Variants in UNC5D observed in about 807,000 individuals in gnomAD.
UNC5D encodes netrin receptor UNC5D.
Under a neutral mutation model 105.4 loss-of-function variants are expected in UNC5D, and 39 were observed. The observed-to-expected ratio is 0.37, with a 90% confidence interval of 0.29 to 0.48. The LOEUF (loss-of-function observed/expected upper bound fraction) is 0.48, where lower values mean the gene tolerates loss of function less well. Among genes scored for constraint, UNC5D ranks in the 20% least tolerant of loss-of-function variants. The pLI, the probability that UNC5D is intolerant of heterozygous loss-of-function variation, is 0.98. For missense variants in UNC5D, 991 were observed against 1,202.4 expected, an observed-to-expected ratio of 0.82 and a Z score of 2.60; for synonymous variants, 452 against 450.4, an observed-to-expected ratio of 1.00 and a Z score of -0.04.
In UNC5D at chr8:35,407,279, G is replaced by T. The variant is rs1336426677; in HGVS notation, c.104-142013G>T. 2.6e-5 allele frequency among the ~76,000 whole-genome samples: 4 copies of T among 151,960 alleles called. No homozygotes were observed. The South Asian group carries it at 8.3e-4, about 32-fold the overall frequency. On this transcript the variant is annotated intron_variant, in intron 1 of 16. Coordinates refer to ENST00000404895, the MANE Select transcript of UNC5D (RefSeq NM_080872.4). ...TTGCACAATGTTGAACTTGCCTAAC[G>T]ATGCATTTCTCAGAACATATCCCTG... is the stretch of plus-strand genomic sequence containing the variant.
intron 1 of UNC5D, among the ~76,000 whole-genome samples, chr8:35,404,024 C>T (rs576725013): frequency 6.6e-6 from 1 of 152,294 alleles, no homozygotes; most frequent in African/African-American, 2.4e-5. Flanking sequence ...CACTTGTTCT[C>T]CCAGCCTGAG....
intron 1 of UNC5D, among the ~76,000 whole-genome samples, chr8:35,431,935 A>G (rs554836645): frequency 6.6e-6 from 1 of 152,248 alleles, no homozygotes; most frequent in Non-Finnish European, 1.5e-5. Context: ...AAACTAAACA[A>G]TTTTCTTCAT....
rs186036762 is a variant in UNC5D at position 35,390,456 on chromosome 8, A to T, written c.103+154569A>T. Among the ~76,000 whole-genome samples, 928 of 151,980 alleles carry T rather than the reference A, an allele frequency of 6.1e-3. 15 individuals carry two copies. Among genetic ancestry groups the T allele is most frequent in the African/African-American group, 0.021 (886 of 41,512 alleles). ...GCTCATTTTTTTCTAAGATTCTTTT[A>T]AGGGTGTGTTCTCAGCATTGGTTAC... On this transcript the variant is annotated intron_variant, in intron 1 of 16. Transcript: ENST00000404895.
intron 16 of UNC5D, among the ~76,000 whole-genome samples, chr8:35,784,981 GA>G (rs1416743353): frequency 6.6e-6 from 1 of 151,554 alleles, no homozygotes; most frequent in East Asian, 1.9e-4. Context: ...ATTTGTCAAA[GA>G]AAAAAATAGT....
At position 35,722,227 on chromosome 8, in the gene UNC5D, G is replaced by A. The variant is rs770644786; in HGVS notation, c.1135G>A (p.Asp379Asn). 8.8e-5 allele frequency: 142 copies of A among 1,613,578 alleles called. No individual in the cohort carries two copies. In the Middle Eastern group the frequency reaches 1.7e-3, roughly 19 times the overall value. Reference protein sequence around the residue: ...IKPQSIENASDIALYSGLGAA... With the variant: ...IKPQSIENASNIALYSGLGAA... ...TCTTTCAGGCATTGAGAATGCCAGC[G>A]ACATTGCTTTGTACTCGGGCTTGGG... Residue 379 changes from aspartate to asparagine, a missense_variant, in exon 9 of 17, where the codon GAC (aspartate) becomes AAC (asparagine). Physicochemically the swap from Asp to Asn is conservative, Grantham distance 23 (BLOSUM62 1). This residue lies in a region of UNC5D where 944 missense variants were observed against 1,131.6 expected (regional missense o/e 0.83). Transcript: ENST00000404895.
chr8:35,238,845 A>C (rs988345091), intron 1 of UNC5D, among the ~76,000 whole-genome samples: 1 of 152,194 alleles, frequency 6.6e-6, no homozygotes, highest in African/African-American at 2.4e-5. Context: ...TGATTTACAC[A>C]TACTTAAATC....
At chr8:35,767,251 C>A (rs140440583) in intron 15 of UNC5D, among the ~76,000 whole-genome samples, 185 bp downstream of exon 15, 1 of 152,318 alleles carries the variant, frequency 6.6e-6, no homozygotes, top group Non-Finnish European at 1.5e-5. Context: ...TAAACTTCCC[C>A]CTGGGCAAGG....
chr8:35,678,597 T>G (rs1393476915), intron 4 of UNC5D, among the ~76,000 whole-genome samples: 1 of 152,184 alleles, frequency 6.6e-6, no homozygotes, highest in Non-Finnish European at 1.5e-5. Flanking sequence ...TTTATTATTG[T>G]TTTTGTTTCA....
At chr8:35,625,733 G>C (rs1376625098) in intron 4 of UNC5D, among the ~76,000 whole-genome samples, 2 of 152,164 alleles carry the variant, frequency 1.3e-5, no homozygotes, top group Non-Finnish European at 2.9e-5. Flanking sequence ...TGGTTTTTAT[G>C]TGTGCCTAGA....
At chr8:35,474,283 T>A (rs1230611039) in intron 1 of UNC5D, among the ~76,000 whole-genome samples, 1 of 152,240 alleles carries the variant, frequency 6.6e-6, no homozygotes, top group Non-Finnish European at 1.5e-5. Context: ...TATTTTCTGA[T>A]CCTTCATATA....
chr8:35,654,458 G>T (rs1427868908), intron 4 of UNC5D, among the ~76,000 whole-genome samples: 2 of 152,188 alleles, frequency 1.3e-5, no homozygotes, highest in South Asian at 4.1e-4. Flanking sequence ...CTGAGTTCAG[G>T]CTTTGTCCCC....
intron 1 of UNC5D, among the ~76,000 whole-genome samples, chr8:35,456,559 G>T (rs558072000): frequency 1.2e-4 from 18 of 152,298 alleles, no homozygotes; most frequent in Non-Finnish European, 1.9e-4. Context: ...AAAGCATTGC[G>T]AGAACTGAGG....
intron 1 of UNC5D, among the ~76,000 whole-genome samples, chr8:35,476,282 A>G (rs1489283470): frequency 3.3e-5 from 5 of 152,140 alleles, no homozygotes; most frequent in Admixed American, 3.3e-4. Flanking sequence ...GAATAGGCAA[A>G]ATACCACTCC....
At chr8:35,547,001 G>T (rs1815731117) in intron 1 of UNC5D, among the ~76,000 whole-genome samples, 1 of 152,022 alleles carries the variant, frequency 6.6e-6, no homozygotes, top group Non-Finnish European at 1.5e-5. Context: ...ACATTTCAAG[G>T]CTTATAGTCT....
At chr8:35,782,064 A>G (rs1157226957) in intron 16 of UNC5D, among the ~76,000 whole-genome samples, 2 of 152,198 alleles carry the variant, frequency 1.3e-5, no homozygotes, top group Non-Finnish European at 2.9e-5. Flanking sequence ...TCACTGGAAG[A>G]TACTGGGGGA....
chr8:35,717,787 T>G (rs1049260015), intron 8 of UNC5D, among the ~76,000 whole-genome samples: 1 of 152,214 alleles, frequency 6.6e-6, no homozygotes, highest in African/African-American at 2.4e-5. Context: ...GGTTACTAGC[T>G]TCATCATAAA....
intron 3 of UNC5D, among the ~76,000 whole-genome samples, chr8:35,575,626 C>T (rs2130817981): frequency 6.6e-6 from 1 of 152,234 alleles, no homozygotes; most frequent in African/African-American, 2.4e-5. Context: ...TGGATATATT[C>T]CCATGGCATG....
intron 11 of UNC5D, among the ~76,000 whole-genome samples, chr8:35,746,433 CAG>C (rs1386017274): frequency 6.9e-6 from 1 of 144,184 alleles, no homozygotes; most frequent in African/African-American, 2.6e-5. Flanking sequence ...GTTCCTTCAC[CAG>C]AGAGAGACCT....
At chr8:35,774,066 C>A (rs1249473623) in intron 15 of UNC5D, among the ~76,000 whole-genome samples, 1 of 152,102 alleles carries the variant, frequency 6.6e-6, no homozygotes, top group East Asian at 1.9e-4. Context: ...ATTGTGACGC[C>A]CCTGAGTGGA....
Sources: allele counts gnomAD v4.1 joint callset (sites outside exome capture counted in the v4.1 genomes callset), GRCh38; gene constraint gnomAD v4.1.1; regional missense constraint gnomAD v4.1.1; transcripts MANE v1.5; gene names NCBI Gene and HGNC (gene_info 2026-07-23, HGNC 2026-07-21).